Variants in TMEM275 observed in about 807,000 individuals in gnomAD.
The protein encoded by TMEM275 is transmembrane protein 275.
intron 1 of TMEM275, among the ~76,000 whole-genome samples, 45 bp from the exon 3 acceptor site, chr1:46,534,086 T>C (rs12138736): frequency 0.51 from 77,103 of 151,322 alleles, 20,148 homozygotes; most frequent in African/African-American, 0.62. Context: ...CAACTCACTC[T>C]CTCAAGTGGA....
chr1:46,532,929 C>T (rs575880998), exon 2 of TMEM275: 4 of 393,586 alleles, frequency 1.0e-5, no homozygotes, highest in African/African-American at 8.3e-5. Context: ...CTTTTCCCCC[C>T]TTAAATGGCA....
chr1:46,535,116 T>C (rs1248285583), intron 1 of TMEM275, among the ~76,000 whole-genome samples: 1 of 152,222 alleles, frequency 6.6e-6, no homozygotes, highest in East Asian at 1.9e-4. Flanking sequence ...GGTACCTTTC[T>C]GAGTGTCCAA....
intron 1 of TMEM275, among the ~76,000 whole-genome samples, 105 bp from the exon 2 acceptor site, chr1:46,534,688 A>G (rs1666714463): frequency 6.6e-6 from 1 of 152,218 alleles, no homozygotes; most frequent in African/African-American, 2.4e-5. Flanking sequence ...AGTTGGTACA[A>G]AGGCCCTCAA....
exon 2 of TMEM275, chr1:46,532,885 A>G: frequency 2.6e-6 from 1 of 386,980 alleles, no homozygotes; most frequent in African/African-American, 2.1e-5. Flanking sequence ...GAAGGAAGGA[A>G]GAAAAGGTTT....
intron 1 of TMEM275, among the ~76,000 whole-genome samples, chr1:46,535,221 G>A (rs1385962886): frequency 6.6e-6 from 1 of 152,142 alleles, no homozygotes; most frequent in Non-Finnish European, 1.5e-5. Flanking sequence ...GGATGCGCAG[G>A]TCAGAGGACT....
rs1666686455 is a variant in TMEM275, at chr1:46,533,017, G to A, written c.511C>T (p.Pro171Ser). 5 of 396,376 alleles carry A rather than the reference G, an allele frequency of 1.3e-5. No homozygotes were observed. The highest frequency in any genetic ancestry group is 4.4e-5 in the Admixed American group (1 of 22,622). The allele number at this position is 396,376 out of a possible 1,614,324, so 24.6% of individuals were successfully genotyped here. A position where few individuals can be genotyped will look rare whatever the true frequency, so the allele number is the denominator to read the frequency against. Residue 171 changes from proline to serine, a missense_variant, in exon 2 of 2, where the codon CCC becomes TCC. Coordinates refer to ENST00000634804, the Ensembl canonical transcript of TMEM275. The surrounding 1 kb of genome is among the most constrained non-coding windows in gnomAD (Gnocchi z 4.4). ...CGCTAGGGGGCGGCGCGCGCCCGGGGTGGGTTGAGCTGGACTCCTTCCGAG... is the reference window on the plus strand; with the variant it reads ...CGCTAGGGGGCGGCGCGCGCCCGGGATGGGTTGAGCTGGACTCCTTCCGAG...
rs1377899225 is a variant in TMEM275, at chr1:46,533,109, C to G, written c.419G>C (p.Cys140Ser). Residue 140 changes from cysteine (C) to serine (S), a missense_variant, in exon 2 of 2, where the codon TGC (cysteine) becomes TCC (serine). Physicochemically the swap from Cys to Ser is moderately radical, Grantham distance 112. Transcript: ENST00000634804. This position sits in a 1 kb window ranked among gnomAD's most constrained non-coding sequence, Gnocchi z 4.4. ...GAGGGGGCTGGGGCCGGGGCTGGAGCAGCCGGAGGACGCGGCGGAGACGGC... is the reference window on the plus strand; with the variant it reads ...GAGGGGGCTGGGGCCGGGGCTGGAGGAGCCGGAGGACGCGGCGGAGACGGC... 5.1e-6 allele frequency: 2 copies of G among 391,654 alleles called. No homozygotes were observed. The highest frequency in any genetic ancestry group is 9.0e-6 in the Non-Finnish European group (2 of 221,892). The allele number at this position is 391,654 out of a possible 1,614,324, so 24.3% of individuals were successfully genotyped here.
At chr1:46,535,353 G>A (rs1196234425) in intron 1 of TMEM275, among the ~76,000 whole-genome samples, 1 of 152,144 alleles carries the variant, frequency 6.6e-6, no homozygotes, top group Non-Finnish European at 1.5e-5. Flanking sequence ...GCCGTACCAA[G>A]CTGGCAGGAA....
chr1:46,533,508 C>T lies in TMEM275; in HGVS notation c.20G>A (p.Ser7Asn). 2.6e-6 allele frequency: 1 copy of T among 388,944 alleles called. No individual in the cohort carries two copies. The allele number at this position is 388,944 out of a possible 1,614,324, so 24.1% of individuals were successfully genotyped here. ...GGGCGCCGGGACCGGTGGCCCCTCG[C>T]TCTTTTCTGCCGGCGGCATCGGCCT... is the stretch of plus-strand genomic sequence containing the variant. The change falls in exon 2 of 2, where the codon AGC becomes AAC. Residue 7 changes from serine (S) to asparagine (N), a missense_variant. By Grantham distance (46) the Ser-to-Asn change is conservative. Transcript: ENST00000634804. The surrounding 1 kb of genome is among the most constrained non-coding windows in gnomAD (Gnocchi z 4.4).
At chr1:46,535,023 G>T (rs1051699329) in intron 1 of TMEM275, among the ~76,000 whole-genome samples, 88 bp downstream of exon 1, 1 of 152,226 alleles carries the variant, frequency 6.6e-6, no homozygotes, top group African/African-American at 2.4e-5. Flanking sequence ...GGTTGACAGA[G>T]AAGGGAGTCA....
In TMEM275 at chr1:46,533,639, C is replaced by A. The variant is rs1666702373; in HGVS notation, c.-112G>T. 5.5e-6 allele frequency: 2 copies of A among 366,536 alleles called. No homozygotes were observed. Among genetic ancestry groups the A allele is most frequent in the Non-Finnish European group, 9.7e-6 (2 of 205,968 alleles). The allele number at this position is 366,536 out of a possible 1,614,324, so 22.7% of individuals were successfully genotyped here. On this transcript the variant is annotated 5_prime_UTR_variant, in exon 2 of 2. It adds an upstream start codon to the 5' untranslated region. Coordinates refer to ENST00000634804, the Ensembl canonical transcript of TMEM275. The surrounding 1 kb of genome is among the most constrained non-coding windows in gnomAD (Gnocchi z 4.4). ...CCTGTGGGCAACTGCCAGGAGCCTC[C>A]TCACGCTGGTCCTGTGGGCACACAG...
rs1174281340 is a variant in TMEM275 at position 46,533,828 on chromosome 1, C to G, written c.-123-178G>C. ...TGTGAAGAATCGACTTGTTTCCCCA[C>G]CTAGTTCCGGGGGTCCCTCGTGGCC... is the stretch of plus-strand genomic sequence containing the variant. On this transcript the variant is annotated intron_variant, in intron 1 of 1. Transcript: ENST00000634804. The surrounding 1 kb of genome is among the most constrained non-coding windows in gnomAD (Gnocchi z 4.4). Among the ~76,000 whole-genome samples the G allele has an allele frequency of 6.6e-6, 1 of 152,212 alleles. No individual in the cohort carries two copies. Among genetic ancestry groups the G allele is most frequent in the African/African-American group, 2.4e-5 (1 of 41,444 alleles).
rs1666701728 is a variant in TMEM275, at chr1:46,533,602, C to CA, written c.-76_-75insT. The CA allele has an allele frequency of 5.3e-6, 2 of 375,042 alleles. No homozygotes were observed. Among genetic ancestry groups the CA allele is most frequent in the Admixed American group, 9.1e-5 (2 of 21,898 alleles). The allele number at this position is 375,042 out of a possible 1,614,324, so 23.2% of individuals were successfully genotyped here. ...GGAACAGCCCAACTGCCAGGAGCCT[C>CA]CTCACGCTGGTCCTGTGGGCAACTG... is the stretch of plus-strand genomic sequence containing the variant. On this transcript the variant is annotated 5_prime_UTR_variant, in exon 2 of 2. Coordinates refer to ENST00000634804, the Ensembl canonical transcript of TMEM275. This position sits in a 1 kb window ranked among gnomAD's most constrained non-coding sequence, Gnocchi z 4.4.
intron 1 of TMEM275, among the ~76,000 whole-genome samples, 60 bp from the exon 2 acceptor site, chr1:46,534,643 A>C (rs1056343481): frequency 1.3e-5 from 2 of 152,200 alleles, no homozygotes; most frequent in Admixed American, 6.5e-5. Flanking sequence ...TATGATTTCT[A>C]TTTGAGAATT....
Position 46,533,605 on chromosome 1 carries a change from C to CCTGTGGGCTGGTCCTGTGGGCA in TMEM275, c.-79_-78insTGCCCACAGGACCAGCCCACAG, listed in dbSNP as rs1666701880. 5.4e-6 allele frequency: 2 copies of CCTGTGGGCTGGTCCTGTGGGCA among 373,180 alleles called. No homozygotes were observed. Among genetic ancestry groups the CCTGTGGGCTGGTCCTGTGGGCA allele is most frequent in the Admixed American group, 9.2e-5 (2 of 21,834 alleles). 23.1% of individuals were successfully genotyped at this position (373,180 alleles called of 1,614,324 possible). A position where few individuals can be genotyped will look rare whatever the true frequency, so the allele number is the denominator to read the frequency against. ...ACAGCCCAACTGCCAGGAGCCTCCT[C>CCTGTGGGCTGGTCCTGTGGGCA]ACGCTGGTCCTGTGGGCAACTGCCA... On this transcript the variant is annotated 5_prime_UTR_variant, in exon 2 of 2. Transcript: ENST00000634804. This position sits in a 1 kb window ranked among gnomAD's most constrained non-coding sequence, Gnocchi z 4.4.
rs564003138 is a variant in TMEM275, at chr1:46,533,898, C to A, written c.-123-248G>T. ...TCTCCTCACTTTTTTGTCCTCCAAACAGACGCTGCCCCTCCAACCCCTCTC... is the reference window on the plus strand; with the variant it reads ...TCTCCTCACTTTTTTGTCCTCCAAAAAGACGCTGCCCCTCCAACCCCTCTC... On this transcript the variant is annotated intron_variant, in intron 1 of 1. Coordinates refer to ENST00000634804, the Ensembl canonical transcript of TMEM275. This position sits in a 1 kb window ranked among gnomAD's most constrained non-coding sequence, Gnocchi z 4.4. Among the ~76,000 whole-genome samples, 10 of 152,342 alleles carry A rather than the reference C, an allele frequency of 6.6e-5. No homozygotes were observed. In the East Asian group the frequency reaches 1.9e-3, roughly 29 times the overall value.
chr1:46,532,764 C>T (rs775371802), exon 2 of TMEM275: 32 of 361,430 alleles, frequency 8.9e-5, no homozygotes, highest in Non-Finnish European at 1.4e-4. Flanking sequence ...CTGCTGCTCC[C>T]TTCTTTGGGG....
chr1:46,533,847 C>T lies in TMEM275; in HGVS notation c.-123-197G>A, dbSNP rs1374549072. On this transcript the variant is annotated intron_variant, in intron 1 of 1. Transcript: ENST00000634804. The surrounding 1 kb of genome is among the most constrained non-coding windows in gnomAD (Gnocchi z 4.4). Reference sequence around the variant, plus strand: ...TCCCCACCTAGTTCCGGGGGTCCCTCGTGGCCAATCTTGCCATCCTCCCTC... The same window carrying T: ...TCCCCACCTAGTTCCGGGGGTCCCTTGTGGCCAATCTTGCCATCCTCCCTC... 1.3e-5 allele frequency among the ~76,000 whole-genome samples: 2 copies of T among 152,170 alleles called. No homozygotes were observed. The highest frequency in any genetic ancestry group is 2.4e-5 in the African/African-American group (1 of 41,446).
At chr1:46,532,980 G>A (rs1304960825) in exon 2 of TMEM275, 1 of 396,176 alleles carries the variant, frequency 2.5e-6, no homozygotes, top group Non-Finnish European at 4.5e-6. Flanking sequence ...GAGTCACGGC[G>A]GGGCCCTGGT....
Sources: allele counts gnomAD v4.1 joint callset (sites outside exome capture counted in the v4.1 genomes callset), GRCh38; gene constraint gnomAD v4.1.1; non-coding constraint Gnocchi (gnomAD v3.1); transcripts MANE v1.5; gene names NCBI Gene and HGNC (gene_info 2026-07-23, HGNC 2026-07-21).